Variants in TEX26 observed in about 807,000 individuals in gnomAD.
TEX26 encodes the protein testis-expressed protein 26.
TEX26 carries 34 observed loss-of-function variants against 35.3 expected under a neutral mutation model. The observed-to-expected ratio is 0.96, with a 90% CI of 0.73 to 1.28. The LOEUF (loss-of-function observed/expected upper bound fraction) is 1.28. Ranked by LOEUF, TEX26 falls within the 50% of genes most tolerant of loss-of-function variation. The pLI is 0.00. For synonymous variants in TEX26, 136 were observed against 111.8 expected (o/e 1.22, Z -1.36); for missense variants, 371 against 330.1 (o/e 1.12, Z -0.96).
chr13:30,949,382 T>G (rs2138230587), intron 2 of TEX26, among the ~76,000 whole-genome samples: 1 of 152,262 alleles, frequency 6.6e-6, no homozygotes, highest in African/African-American at 2.4e-5. Context: ...CATCTTTACC[T>G]AGTTGGTAAA....
intron 2 of TEX26, among the ~76,000 whole-genome samples, chr13:30,948,429 A>G (rs922361038): frequency 3.3e-5 from 5 of 152,132 alleles, no homozygotes; most frequent in African/African-American, 1.2e-4. Context: ...AATGATTGCC[A>G]TTCTAACTGG....
chr13:30,932,949 C>T (rs1415666883), intron 1 of TEX26, 173 bp downstream of exon 1: 3 of 645,492 alleles, frequency 4.6e-6, no homozygotes, highest in African/African-American at 3.6e-5. Flanking sequence ...CTTCATGACG[C>T]TGCCCCTTTT....
At chr13:30,953,529 G>A (rs543934178) in intron 3 of TEX26, among the ~76,000 whole-genome samples, 110 of 152,294 alleles carry the variant, frequency 7.2e-4, no homozygotes, top group Admixed American at 2.4e-3. Context: ...TCCACCTTTT[G>A]GCTATTGTGA....
chr13:30,941,696 GCCTTTGGGTAC>G (rs1289685299), intron 2 of TEX26, among the ~76,000 whole-genome samples: 3 of 152,098 alleles, frequency 2.0e-5, no homozygotes, highest in Non-Finnish European at 4.4e-5. Flanking sequence ...CATTCTGTAT[GCCTTTGGGTAC>G]CCATAGCTTA....
intron 5 of TEX26, among the ~76,000 whole-genome samples, chr13:30,968,245 G>A (rs1300746792): frequency 6.6e-6 from 1 of 152,196 alleles, no homozygotes; most frequent in Non-Finnish European, 1.5e-5. Flanking sequence ...TGGCTAAACA[G>A]GTTATGGGAG....
rs1391058543 is a variant in TEX26 at position 30,958,380 on chromosome 13, TG to T, written c.469+1352del. 2.0e-5 allele frequency among the ~76,000 whole-genome samples: 3 copies of T among 152,236 alleles called. No individual in the cohort carries two copies. In the East Asian group the frequency reaches 5.8e-4, roughly 29 times the overall value. ...AGACGGAAATCTTTTCCTAAGTTAC[TG>T]AGAAAGCCACACACGCTGGTGCATG... On this transcript the variant is annotated intron_variant, in intron 4 of 6. Coordinates refer to ENST00000380473, the MANE Select transcript of TEX26 (RefSeq NM_152325.3).
rs138011587 is a variant in TEX26, at chr13:30,969,021, G to A, written c.783G>A (p.Glu261=). 8 of 1,613,892 alleles carry A rather than the reference G, an allele frequency of 5.0e-6. No individual in the cohort carries two copies. In the African/African-American group the frequency reaches 5.3e-5, roughly 11 times the overall value. ...CATTTACTTCCTCTCAAGTCAAAGA[G>A]TACCTTCAGAGTCTTTCCTACAAAG... ...LNSFTSSQVK[E]YLQSLSYKDR... The change falls in exon 6 of 7, where the codon GAG becomes GAA. Residue 261 remains glutamate (E), a synonymous_variant. Transcript: ENST00000380473.
At chr13:30,952,440 T>A (rs2138248412) in intron 2 of TEX26, among the ~76,000 whole-genome samples, 1 of 152,350 alleles carries the variant, frequency 6.6e-6, no homozygotes, top group Non-Finnish European at 1.5e-5. Flanking sequence ...GTTATGTTTT[T>A]AAATTTTATT....
At chr13:30,945,190 A>T (rs776088973) in intron 2 of TEX26, among the ~76,000 whole-genome samples, 13 of 151,936 alleles carry the variant, frequency 8.6e-5, no homozygotes, top group Non-Finnish European at 1.9e-4. Context: ...TTTTATCATT[A>T]TATAATGACT....
chr13:30,943,388 A>G (rs904618989), intron 2 of TEX26, among the ~76,000 whole-genome samples: 5 of 151,770 alleles, frequency 3.3e-5, no homozygotes, highest in Non-Finnish European at 4.4e-5. Flanking sequence ...AACTCTAGGT[A>G]TATGATCATA....
chr13:30,938,521 T>C (rs572110495), intron 1 of TEX26, among the ~76,000 whole-genome samples: 1 of 152,276 alleles, frequency 6.6e-6, no homozygotes, highest in East Asian at 1.9e-4. Flanking sequence ...TCTCTCATCC[T>C]CTTTTTATAA....
Position 30,956,906 on chromosome 13 carries a change from C to A in TEX26, c.346C>A (p.Gln116Lys). The change falls in exon 4 of 7, where the codon CAA becomes AAA. Residue 116 changes from glutamine (Q) to lysine (K), a missense_variant. Coordinates refer to ENST00000380473, the MANE Select transcript of TEX26 (RefSeq NM_152325.3). ...CCTGTGGACACTACCTCACTGTCAA[C>A]AAACGGGGACACTAAAGAACTGCCT... ...IFLWTLPHCQQTGTLKNCLPW... is the reference protein window; with the variant it reads ...IFLWTLPHCQKTGTLKNCLPW... 1 of 1,614,152 alleles carries A rather than the reference C, an allele frequency of 6.2e-7. No individual in the cohort carries two copies. Among genetic ancestry groups the A allele is most frequent in the Non-Finnish European group, 8.5e-7 (1 of 1,180,002 alleles).
At chr13:30,937,001 A>C (rs535702368) in intron 1 of TEX26, 2 of 984,514 alleles carry the variant, frequency 2.0e-6, no homozygotes, top group East Asian at 2.3e-4. Flanking sequence ...CAGCCCTTAC[A>C]AAAAGAGTTG....
intron 4 of TEX26, among the ~76,000 whole-genome samples, chr13:30,961,936 C>T (rs1419886330): frequency 4.6e-5 from 7 of 152,180 alleles, no homozygotes; most frequent in Non-Finnish European, 8.8e-5. Context: ...TAAAGAACAA[C>T]TATCCTGAGA....
At position 30,966,416 on chromosome 13, in the gene TEX26, T is replaced by C; in HGVS notation, c.646+18T>C. Reference sequence around the variant, plus strand: ...GGGTCTAGGTGAGTACAGCTGCAGTTTCTTTTTCTTTTTCTCTTTTTTTTT... The same window carrying C: ...GGGTCTAGGTGAGTACAGCTGCAGTCTCTTTTTCTTTTTCTCTTTTTTTTT... On this transcript the variant is annotated intron_variant, in intron 5 of 6. Transcript: ENST00000380473. The C allele has an allele frequency of 6.5e-7, 1 of 1,535,582 alleles. No individual in the cohort carries two copies. Among genetic ancestry groups the C allele is most frequent in the Non-Finnish European group, 8.7e-7 (1 of 1,148,082 alleles).
chr13:30,941,679 A>G (rs1227494520), intron 2 of TEX26, among the ~76,000 whole-genome samples: 1 of 152,072 alleles, frequency 6.6e-6, no homozygotes, highest in African/African-American at 2.4e-5. Flanking sequence ...TCCATAGTCC[A>G]TTATGTCATT....
At chr13:30,965,559 T>C (rs1034565894) in intron 4 of TEX26, among the ~76,000 whole-genome samples, 1 of 152,196 alleles carries the variant, frequency 6.6e-6, no homozygotes, top group Admixed American at 6.5e-5. Flanking sequence ...CTAAGTGAGA[T>C]GGATTGTGAC....
chr13:30,943,605 A>G (rs573087241), intron 2 of TEX26, among the ~76,000 whole-genome samples: 5 of 152,176 alleles, frequency 3.3e-5, no homozygotes, highest in African/African-American at 9.6e-5. Flanking sequence ...TGGTTTTGTC[A>G]TAGATGGCTC....
chr13:30,966,139 A>C, intron 4 of TEX26, 83 bp from the exon 5 acceptor site: 2 of 1,478,754 alleles, frequency 1.4e-6, no homozygotes, highest in Non-Finnish European at 1.9e-6. Context: ...CACATTGACC[A>C]TACCTCTAAA....
Sources: allele counts gnomAD v4.1 joint callset (sites outside exome capture counted in the v4.1 genomes callset), GRCh38; gene constraint gnomAD v4.1.1; transcripts MANE v1.5; gene names NCBI Gene and HGNC (gene_info 2026-07-23, HGNC 2026-07-21).